MEIKIN: variants seen among roughly 807,000 people sequenced by gnomAD.
MEIKIN encodes meiotic kinetochore factor.
At chr5:131,880,251 G>C (rs1047322179) in intron 8 of MEIKIN, among the ~76,000 whole-genome samples, 11 of 142,632 alleles carry the variant, frequency 7.7e-5, no homozygotes, top group African/African-American at 2.9e-4. Flanking sequence ...CACCACACCA[G>C]GCTAATTTTT....
At chr5:131,890,943 C>T (rs1750901773) in intron 8 of MEIKIN, among the ~76,000 whole-genome samples, 1 of 152,176 alleles carries the variant, frequency 6.6e-6, no homozygotes, top group South Asian at 2.1e-4. Context: ...TTTCAAAGAA[C>T]ATCTTTATTT....
intron 7 of MEIKIN, 40 bp from the exon 8 acceptor site, chr5:131,911,919 C>G (rs998269003): frequency 2.2e-4 from 89 of 396,954 alleles, no homozygotes; most frequent in Middle Eastern, 1.9e-3. Context: ...TTTTCTAAAT[C>G]CTTCAGTAAC....
intron 11 of MEIKIN, among the ~76,000 whole-genome samples, chr5:131,842,418 G>C (rs1018935211): frequency 6.6e-5 from 10 of 152,148 alleles, no homozygotes; most frequent in African/African-American, 2.4e-4. Context: ...TTATCATTGA[G>C]TATATTAGTT....
At chr5:131,893,799 T>C (rs1388593096) in intron 8 of MEIKIN, among the ~76,000 whole-genome samples, 1 of 152,170 alleles carries the variant, frequency 6.6e-6, no homozygotes, top group South Asian at 2.1e-4. Context: ...ATAAGTAGAG[T>C]GCAAAAATTT....
chr5:131,910,352 T>G (rs1751314019), intron 8 of MEIKIN, among the ~76,000 whole-genome samples: 1 of 152,108 alleles, frequency 6.6e-6, no homozygotes, highest in Non-Finnish European at 1.5e-5. Context: ...CTCACTTATT[T>G]GTGGGATCTA....
chr5:131,894,524 T>A lies in MEIKIN; in HGVS notation c.704-15476A>T, dbSNP rs544368492. On this transcript the variant is annotated intron_variant, in intron 8 of 12. Transcript: ENST00000442687. Reference sequence around the variant, plus strand: ...ATTTTCATGATATTGATTCTTCCTATCCATGTGCATGGAATGTTCTTCCAT... The same window carrying A: ...ATTTTCATGATATTGATTCTTCCTAACCATGTGCATGGAATGTTCTTCCAT... Among the ~76,000 whole-genome samples, 4 of 152,326 alleles carry A rather than the reference T, an allele frequency of 2.6e-5. No individual in the cohort carries two copies. In the East Asian group the frequency reaches 5.8e-4, roughly 22 times the overall value.
At chr5:131,909,674 G>C (rs976339073) in intron 8 of MEIKIN, among the ~76,000 whole-genome samples, 2 of 152,012 alleles carry the variant, frequency 1.3e-5, no homozygotes, top group Non-Finnish European at 2.9e-5. Flanking sequence ...CACCTAATTA[G>C]GGATTAATAA....
In MEIKIN at chr5:131,939,507, CT is replaced by C. The variant is rs1751834806; in HGVS notation, c.349+3127del. Among the ~76,000 whole-genome samples, 3 of 151,742 alleles carry C rather than the reference CT, an allele frequency of 2.0e-5. 1 individual carries two copies. The South Asian group carries it at 6.2e-4, about 32-fold the overall frequency. ...CTACAGCTTTACAACATTTTTATGC[CT>C]TTATTGATATTTTAGTAGGGTTTCA... On this transcript the variant is annotated intron_variant, in intron 4 of 12. Coordinates refer to ENST00000442687, the MANE Select transcript of MEIKIN (RefSeq NM_001303622.2).
chr5:131,829,544 TG>T (rs1398006041), intron 11 of MEIKIN, among the ~76,000 whole-genome samples: 1 of 152,072 alleles, frequency 6.6e-6, no homozygotes, highest in African/African-American at 2.4e-5. Flanking sequence ...TTGGTGAATC[TG>T]AAGATCTAGA....
chr5:131,889,866 A>C (rs1389765993), intron 8 of MEIKIN, among the ~76,000 whole-genome samples: 1 of 152,176 alleles, frequency 6.6e-6, no homozygotes, highest in Non-Finnish European at 1.5e-5. Flanking sequence ...GATAGCTTTT[A>C]TTATTTTGAG....
chr5:131,820,972 T>C (rs1319894830), intron 11 of MEIKIN, among the ~76,000 whole-genome samples: 2 of 152,132 alleles, frequency 1.3e-5, no homozygotes, highest in African/African-American at 4.8e-5. Context: ...GTTTTGTTGA[T>C]CTTTTGTATG....
chr5:131,813,117 T>C lies in MEIKIN; in HGVS notation c.1099+5623A>G, dbSNP rs779138003. On this transcript the variant is annotated intron_variant, in intron 12 of 12. Coordinates refer to ENST00000442687, the MANE Select transcript of MEIKIN (RefSeq NM_001303622.2). The stretch of plus-strand genomic sequence containing the variant: ...GTCATAAGTAAGTAACATGAGGAAG[T>C]GACCCAAATGTCCATGGCCCCCACC... Among the ~76,000 whole-genome samples the C allele has an allele frequency of 5.3e-5, 8 of 152,334 alleles. No individual in the cohort carries two copies. The East Asian group carries it at 7.7e-4, about 15-fold the overall frequency.
At chr5:131,907,302 C>A (rs1751257342) in intron 8 of MEIKIN, among the ~76,000 whole-genome samples, 1 of 150,456 alleles carries the variant, frequency 6.6e-6, no homozygotes, top group African/African-American at 2.5e-5. Flanking sequence ...AAACCAAACC[C>A]AAAATTAGTA....
intron 5 of MEIKIN, among the ~76,000 whole-genome samples, chr5:131,924,878 T>G (rs1165108211): frequency 6.6e-6 from 1 of 152,194 alleles, no homozygotes; most frequent in Non-Finnish European, 1.5e-5. Flanking sequence ...TGGTAGCATA[T>G]CCACGAAATC....
At position 131,897,541 on chromosome 5, in the gene MEIKIN, G is replaced by T. The variant is rs941261265; in HGVS notation, c.703+14274C>A. On this transcript the variant is annotated intron_variant, in intron 8 of 12. Coordinates refer to ENST00000442687, the MANE Select transcript of MEIKIN (RefSeq NM_001303622.2). ...GGTACACCAGTCAAACGTAGATTTG[G>T]TCTTTTCACATAGTCCCAGAAGCCT... Among the ~76,000 whole-genome samples, 12 of 152,258 alleles carry T rather than the reference G, an allele frequency of 7.9e-5. No homozygotes were observed. The South Asian group carries it at 2.1e-3, about 26-fold the overall frequency.
At chr5:131,835,214 A>C (rs13180538) in intron 11 of MEIKIN, among the ~76,000 whole-genome samples, 1 of 151,272 alleles carries the variant, frequency 6.6e-6, no homozygotes, top group Admixed American at 6.6e-5. Context: ...ATATGTGTGT[A>C]TATATATGTG....
intron 11 of MEIKIN, among the ~76,000 whole-genome samples, chr5:131,834,466 C>G (rs1006485351): frequency 6.6e-6 from 1 of 152,114 alleles, no homozygotes; most frequent in African/African-American, 2.4e-5. Context: ...AAAGTTGGTA[C>G]CCTTTGACCA....
chr5:131,867,786 T>G (rs1478102164), intron 9 of MEIKIN, among the ~76,000 whole-genome samples: 1 of 152,220 alleles, frequency 6.6e-6, no homozygotes, highest in African/African-American at 2.4e-5. Flanking sequence ...TGAAGAACAT[T>G]TTCGTTGCTT....
At chr5:131,870,765 C>G (rs1363624535) in intron 9 of MEIKIN, among the ~76,000 whole-genome samples, 2 of 152,154 alleles carry the variant, frequency 1.3e-5, no homozygotes, top group African/African-American at 2.4e-5. Flanking sequence ...ATTTCTTGAT[C>G]TCTCCTATCA....
Sources: gnomAD v4.1 joint callset for allele counts (sites outside exome capture counted in the v4.1 genomes callset) on GRCh38, gnomAD v4.1.1 for gene constraint, MANE v1.5 for transcripts, NCBI Gene and HGNC (gene_info 2026-07-23, HGNC 2026-07-21) for gene names.